ACOT9: variants seen among roughly 807,000 people sequenced by gnomAD.
ACOT9 encodes acyl-coenzyme A thioesterase 9, mitochondrial.
A neutral mutation model predicts 39.7 loss-of-function variants in ACOT9; 34 were observed. That is an observed-to-expected ratio of 0.86 (90% confidence interval 0.65 to 1.14). The LOEUF (loss-of-function observed/expected upper bound fraction) is 1.14. Among genes scored for constraint, ACOT9 ranks in the 50% most tolerant of loss-of-function variants. ACOT9 has a pLI of 0.00. For missense variants in ACOT9, 313 were observed against 344.1 expected (o/e 0.91, Z 0.71); for synonymous variants, 110 against 120.5 (o/e 0.91, Z 0.57).
chrX:23,723,302 T>G (rs1199637478), intron 6 of ACOT9, among the ~76,000 whole-genome samples: 2 of 111,739 alleles, frequency 1.8e-5, no homozygotes, highest in African/African-American at 3.3e-5. Flanking sequence ...CTTACAGATA[T>G]CAACTCATTT....
intron 6 of ACOT9, among the ~76,000 whole-genome samples, chrX:23,730,052 A>C (rs1207308321): frequency 9.1e-6 from 1 of 110,277 alleles, no homozygotes; most frequent in Non-Finnish European, 1.9e-5. Context: ...ATCTACATTT[A>C]TAAGAAAAAA....
At chrX:23,742,339 G>T (rs1192976926) in intron 1 of ACOT9, among the ~76,000 whole-genome samples, 2 of 108,861 alleles carry the variant, frequency 1.8e-5, no homozygotes, top group Non-Finnish European at 3.8e-5. Flanking sequence ...AGGCCCACTG[G>T]CAGCGAGATA....
Position 23,705,072 on chromosome X carries a change from C to G in ACOT9, c.1028G>C (p.Arg343Pro), listed in dbSNP as rs774135140. 4.1e-6 allele frequency: 5 copies of G among 1,209,716 alleles called. No individual in the cohort carries two copies. In the Admixed American group the frequency reaches 1.1e-4, roughly 26 times the overall value. ...GTCATCTACTGCTACCACAAACGGT[C>G]GAGAACCACTGTTGGGGGAAAGGAC... is the stretch of plus-strand genomic sequence containing the variant. ...WATACSFGGS[R>P]PFVVAVDDIM... is the part of the protein sequence containing the mutation. The change falls in exon 14 of 16, where the codon CGA (arginine) becomes CCA (proline). Residue 343 changes from arginine (R) to proline (P), a missense_variant. Transcript: ENST00000379303.
Position 23,713,186 on chromosome X carries a change from G to C in ACOT9, c.611C>G (p.Pro204Arg). The C allele has an allele frequency of 8.3e-7, 1 of 1,206,498 alleles. No homozygotes were observed. Among genetic ancestry groups the C allele is most frequent in the Non-Finnish European group, 1.1e-6 (1 of 891,326 alleles). ...MFQLHGDEFC[P>R]VLDATFVMVA... is the part of the protein sequence containing the mutation. Reference sequence around the variant, plus strand: ...CATTACAAATGTTGCATCCAAAACAGGACAAAATTCATCACCATGTAACTG... The same window carrying C: ...CATTACAAATGTTGCATCCAAAACACGACAAAATTCATCACCATGTAACTG... The change falls in exon 9 of 16, where the codon CCT becomes CGT. Residue 204 changes from proline to arginine, a missense_variant. Pro to Arg is a moderately radical substitution (Grantham distance 103). Transcript: ENST00000379303.
In ACOT9 at chrX:23,734,351, A is replaced by G. The variant is rs755367576; in HGVS notation, c.135T>C (p.His45=). 8.4e-7 allele frequency: 1 copy of G among 1,194,673 alleles called. No homozygotes were observed. The highest frequency in any genetic ancestry group is 1.1e-6 in the Non-Finnish European group (1 of 885,159). ...AATTACCACACACACCATGATTCAC[A>G]TGTATAGATGAACATGCTATATGAA... ...FHIHEACSSI[H]VNHVRDKLRE... The change falls in exon 3 of 16, where the codon CAT becomes CAC. Residue 45 remains histidine (H), a synonymous_variant. Coordinates refer to ENST00000379303, the MANE Select transcript of ACOT9 (RefSeq NM_001037171.2).
At chrX:23,740,717 T>TACACACACACACACAC (rs67075682) in intron 1 of ACOT9, among the ~76,000 whole-genome samples, 8 of 92,101 alleles carry the variant, frequency 8.7e-5, no homozygotes, top group East Asian at 3.7e-4. Flanking sequence ...CCCCAATACA[T>TACACACACACACACAC]ACACACACAC....
chrX:23,722,614 T>C, intron 7 of ACOT9, 56 bp downstream of exon 7: 1 of 863,747 alleles, frequency 1.2e-6, no homozygotes. Context: ...GTAATCTCAA[T>C]AATATCTTGA....
intron 2 of ACOT9, among the ~76,000 whole-genome samples, chrX:23,735,570 A>G (rs1267968664): frequency 9.0e-6 from 1 of 111,451 alleles, no homozygotes; most frequent in Non-Finnish European, 1.9e-5. Flanking sequence ...GACTAACAGG[A>G]TCCCTCGAAC....
At chrX:23,742,933 G>A (rs1358744986) in intron 1 of ACOT9, among the ~76,000 whole-genome samples, 192 bp downstream of exon 1, 1 of 112,955 alleles carries the variant, frequency 8.9e-6, no homozygotes, top group Non-Finnish European at 1.9e-5. Flanking sequence ...AAGTGGGGGC[G>A]AGGTTCTCCC....
intron 6 of ACOT9, among the ~76,000 whole-genome samples, chrX:23,725,842 G>C (rs1470752953): frequency 9.1e-6 from 1 of 109,389 alleles, no homozygotes; most frequent in East Asian, 2.9e-4. Flanking sequence ...AATTTTAAAA[G>C]ATTTAACAAT....
chrX:23,719,638 T>C (rs1201180415), intron 8 of ACOT9, among the ~76,000 whole-genome samples: 1 of 110,219 alleles, frequency 9.1e-6, no homozygotes, highest in African/African-American at 3.3e-5. Flanking sequence ...TCCTAAGGAG[T>C]GTGCAACCTA....
intron 1 of ACOT9, among the ~76,000 whole-genome samples, chrX:23,738,049 A>C (rs746922749): frequency 6.7e-4 from 71 of 105,328 alleles, no homozygotes; most frequent in African/African-American, 2.4e-3. Flanking sequence ...TTGTATTTTT[A>C]GTAGAGACGG....
chrX:23,725,961 G>T (rs1027457918), intron 6 of ACOT9, among the ~76,000 whole-genome samples: 8 of 111,673 alleles, frequency 7.2e-5, no homozygotes, highest in Non-Finnish European at 1.5e-4. Flanking sequence ...CACTTTGGGA[G>T]GCCGAGGCGA....
At position 23,743,222 on chromosome X, in the gene ACOT9, GACGC is replaced by G; in HGVS notation, c.-82_-79del. 9.1e-7 allele frequency: 1 copy of G among 1,098,255 alleles called. No homozygotes were observed. Among genetic ancestry groups the G allele is most frequent in the Non-Finnish European group, 1.2e-6 (1 of 824,642 alleles). The allele number at this position is 1,098,255 out of a possible 1,213,427, so 90.5% of individuals were successfully genotyped here. ...GCGGAGGGAAACTGAGGCGATAAAA[GACGC>G]ACGAGTACCAGACCGCGCCCTTGCT... On this transcript the variant is annotated 5_prime_UTR_variant, in exon 1 of 16. Transcript: ENST00000379303.
In ACOT9 at chrX:23,734,280, T is replaced by C. The variant is rs1929859578; in HGVS notation, c.145+61A>G. 4 of 1,041,593 alleles carry C rather than the reference T, an allele frequency of 3.8e-6. No individual in the cohort carries two copies. The Admixed American group carries it at 7.6e-5, about 20-fold the overall frequency. 85.8% of individuals were successfully genotyped at this position (1,041,593 alleles called of 1,213,427 possible). ...GCCACTGCCCAAAAGTGCAAGCGTA[T>C]ATTAGTGCTTACAAAATTTAAGCTC... On this transcript the variant is annotated intron_variant, in intron 3 of 15. Transcript: ENST00000379303.
At chrX:23,731,895 G>A (rs1929767347) in intron 4 of ACOT9, among the ~76,000 whole-genome samples, 1 of 112,032 alleles carries the variant, frequency 8.9e-6, no homozygotes, top group Non-Finnish European at 1.9e-5. Flanking sequence ...AGAAAGACAA[G>A]GGGATACGGA....
At position 23,703,761 on chromosome X, in the gene ACOT9, C is replaced by T. The variant is rs2146808794; in HGVS notation, c.*133G>A. 1 of 493,418 alleles carries T rather than the reference C, an allele frequency of 2.0e-6. No homozygotes were observed. Among genetic ancestry groups the T allele is most frequent in the East Asian group, 3.8e-5 (1 of 26,619 alleles). The allele number at this position is 493,418 out of a possible 1,213,427, so 40.7% of individuals were successfully genotyped here. On this transcript the variant is annotated 3_prime_UTR_variant, in exon 16 of 16. Transcript: ENST00000379303. ...TCTCTCTTTCTGCTTTTCTGATCAT[C>T]CTAAAGGCTGAATACATCCTCCTCC...
Position 23,703,334 on chromosome X carries a change from TTA to T in ACOT9, c.*558_*559del, listed in dbSNP as rs1928545171. The T allele has an allele frequency of 8.9e-6, 1 of 111,902 alleles. No homozygotes were observed. The highest frequency in any genetic ancestry group is 9.6e-5 in the Admixed American group (1 of 10,452). 9.2% of individuals were successfully genotyped at this position (111,902 alleles called of 1,213,427 possible). On this transcript the variant is annotated 3_prime_UTR_variant, in exon 16 of 16. Transcript: ENST00000379303. ...TATCCTCAATTAATTAATTAATTAA[TTA>T]ATTTTTGAGACAGTCTCTCTCTGTC... is the stretch of plus-strand genomic sequence containing the variant.
intron 2 of ACOT9, 149 bp downstream of exon 2, chrX:23,735,770 A>G: frequency 4.5e-6 from 2 of 441,213 alleles, no homozygotes; most frequent in South Asian, 8.6e-5. Flanking sequence ...TTATGCAGCT[A>G]TCCTGGTCAT....
Sources: gnomAD v4.1 joint callset for allele counts (sites outside exome capture counted in the v4.1 genomes callset) on GRCh38, gnomAD v4.1.1 for gene constraint, MANE v1.5 for transcripts, NCBI Gene and HGNC (gene_info 2026-07-23, HGNC 2026-07-21) for gene names.